SPEN: variants seen among roughly 807,000 people sequenced by gnomAD.
The protein encoded by SPEN is msx2-interacting protein.
SPEN carries 18 observed loss-of-function variants against 269.9 expected under a neutral mutation model. The observed-to-expected ratio is 0.07, with a 90% confidence interval of 0.05 to 0.10. The LOEUF is 0.10. Ranked by LOEUF, SPEN falls within the 10% of genes least tolerant of loss-of-function variation. SPEN has a pLI of 1.00. For missense variants in SPEN, 3,822 were observed against 4,631.2 expected, an observed-to-expected ratio of 0.83 and a Z score of 5.07; for synonymous variants, 1,726 against 1,765.7, an observed-to-expected ratio of 0.98 and a Z score of 0.56.
rs760132585 is a variant in SPEN, at chr1:15,929,048, A to G, written c.2808A>G (p.Arg936=). The change falls in exon 11 of 15, where the codon AGA becomes AGG. Residue 936 remains arginine, a synonymous_variant. Coordinates refer to ENST00000375759, the MANE Select transcript of SPEN (RefSeq NM_015001.3). The surrounding 1 kb of genome is among the most constrained non-coding windows in gnomAD (Gnocchi z 5.8). ...KSDLSKLESV[R]MKVPKEKGLS... ...ACTTGTCTAAACTGGAATCAGTTAG[A>G]ATGAAAGTACCAAAGGAAAAGGGGC... 1.5e-5 allele frequency: 24 copies of G among 1,614,238 alleles called. No homozygotes were observed. The highest frequency in any genetic ancestry group is 1.9e-5 in the Non-Finnish European group (23 of 1,180,040).
rs144396596 is a variant in SPEN at position 15,880,175 on chromosome 1, G to A, written c.881+3497G>A. Among the ~76,000 whole-genome samples the A allele has an allele frequency of 5.3e-3, 799 of 152,166 alleles. 6 individuals carry two copies. Among genetic ancestry groups the A allele is most frequent in the Non-Finnish European group, 7.7e-3 (526 of 68,004 alleles). On this transcript the variant is annotated intron_variant, in intron 3 of 14. Transcript: ENST00000375759. The stretch of plus-strand genomic sequence containing the variant: ...GAAGGCACCTTCTTACCGTGGGCTT[G>A]GGGAAGAATCACTGAGAGATTCTTG...
chr1:15,888,544 G>A (rs1350471369), intron 3 of SPEN, among the ~76,000 whole-genome samples: 1 of 151,756 alleles, frequency 6.6e-6, no homozygotes, highest in African/African-American at 2.4e-5. Flanking sequence ...GGCTGGTCTC[G>A]AACTCCTGAC....
chr1:15,884,573 G>A (rs1271790521), intron 3 of SPEN, among the ~76,000 whole-genome samples: 1 of 152,050 alleles, frequency 6.6e-6, no homozygotes, highest in Non-Finnish European at 1.5e-5. Flanking sequence ...GTGCATTCAG[G>A]TGTCAATTGG....
chr1:15,869,578 C>CTTTATTTA (rs2070552261), intron 1 of SPEN, among the ~76,000 whole-genome samples: 1 of 105,754 alleles, frequency 9.5e-6, no homozygotes, highest in Non-Finnish European at 2.0e-5. Flanking sequence ...ATTGTCTCTA[C>CTTTATTTA]TGTATTTATT....
At chr1:15,881,207 C>T (rs571963299) in intron 3 of SPEN, among the ~76,000 whole-genome samples, 10 of 152,198 alleles carry the variant, frequency 6.6e-5, no homozygotes, top group East Asian at 3.9e-4. Context: ...TGGCTTCAAG[C>T]GATCTTCCCT....
intron 10 of SPEN, among the ~76,000 whole-genome samples, chr1:15,925,552 CA>C (rs1488789858): frequency 2.0e-5 from 3 of 150,338 alleles, no homozygotes; most frequent in Non-Finnish European, 3.0e-5. Context: ...TTCTGCCTTC[CA>C]AAACTTTTTT....
At chr1:15,862,516 C>G (rs1057119379) in intron 1 of SPEN, among the ~76,000 whole-genome samples, 2 of 152,134 alleles carry the variant, frequency 1.3e-5, no homozygotes, top group Non-Finnish European at 2.9e-5. Flanking sequence ...CTAAAATATT[C>G]AGGCTTTTTA....
intron 3 of SPEN, among the ~76,000 whole-genome samples, chr1:15,907,490 G>A (rs1477904357): frequency 2.0e-5 from 3 of 152,024 alleles, no homozygotes; most frequent in African/African-American, 7.3e-5. Context: ...GAAAAAAAAA[G>A]GTCTGTAGCA....
At chr1:15,910,809 A>G (rs1259644821) in intron 4 of SPEN, among the ~76,000 whole-genome samples, 2 of 152,180 alleles carry the variant, frequency 1.3e-5, no homozygotes, top group Admixed American at 6.5e-5. Context: ...GAATTGTACA[A>G]TAATCTCGAA....
Position 15,848,124 on chromosome 1 carries a change from A to G in SPEN, c.57A>G (p.Glu19=). The G allele has an allele frequency of 1.3e-6, 2 of 1,498,870 alleles. No individual in the cohort carries two copies. The highest frequency in any genetic ancestry group is 1.2e-5 in the South Asian group (1 of 80,226). 92.8% of individuals were successfully genotyped at this position (1,498,870 alleles called of 1,614,324 possible). A position where few individuals can be genotyped will look rare whatever the true frequency, so the allele number is the denominator to read the frequency against. The part of the protein sequence containing the change: ...WVGNLPENVR[E]EKIIEHFKRY... Reference sequence around the variant, plus strand: ...GCAACTTACCCGAGAACGTGCGGGAAGAGAAGATCATCGAGCATTTCAAAC... The same window carrying G: ...GCAACTTACCCGAGAACGTGCGGGAGGAGAAGATCATCGAGCATTTCAAAC... The change falls in exon 1 of 15, where the codon GAA becomes GAG. Residue 19 remains glutamate, a synonymous_variant. Coordinates refer to ENST00000375759, the MANE Select transcript of SPEN (RefSeq NM_015001.3). This position sits in a 1 kb window ranked among gnomAD's most constrained non-coding sequence, Gnocchi z 5.1.
chr1:15,859,943 G>A (rs1328423772), intron 1 of SPEN, among the ~76,000 whole-genome samples: 14 of 105,938 alleles, frequency 1.3e-4, no homozygotes, highest in Non-Finnish European at 2.1e-4. Flanking sequence ...ACGGAGTCTT[G>A]CTCTGTCACC....
intron 3 of SPEN, among the ~76,000 whole-genome samples, chr1:15,895,087 T>C (rs1289816684): frequency 1.3e-5 from 2 of 152,008 alleles, no homozygotes; most frequent in Non-Finnish European, 2.9e-5. Context: ...CACGCCTGGC[T>C]AATTTTGTAT....
chr1:15,896,549 A>G (rs2070844308), intron 3 of SPEN, among the ~76,000 whole-genome samples: 1 of 152,066 alleles, frequency 6.6e-6, no homozygotes, highest in Admixed American at 6.6e-5. Flanking sequence ...CCTAAATCTT[A>G]CCTATTGATT....
chr1:15,938,874 C>G lies in SPEN; in HGVS notation c.10861C>G (p.Gln3621Glu), dbSNP rs2071306829. 3.7e-6 allele frequency: 6 copies of G among 1,613,378 alleles called. No homozygotes were observed. Among genetic ancestry groups the G allele is most frequent in the Non-Finnish European group, 5.1e-6 (6 of 1,179,742 alleles). ...IINVPNPGSN[Q>E]PAYVLQIFPP... ...CAACGTTCCCAACCCTGGCTCCAAT[C>G]AGGTCGGTTGTCCTGTGTCCTTCCT... The change falls in exon 14 of 15, where the codon CAG (glutamine) becomes GAG (glutamate). Residue 3621 changes from glutamine to glutamate, a missense_variant and splice_region_variant. By Grantham distance (29) the Gln-to-Glu change is conservative. Coordinates refer to ENST00000375759, the MANE Select transcript of SPEN (RefSeq NM_015001.3).
intron 2 of SPEN, chr1:15,874,056 G>C: frequency 7.7e-7 from 1 of 1,291,130 alleles, no homozygotes; most frequent in Non-Finnish European, 1.0e-6. Flanking sequence ...CGTTGGAATT[G>C]TAGAGGATAT....
At chr1:15,871,903 C>T (rs1315329537) in intron 1 of SPEN, among the ~76,000 whole-genome samples, 1 of 151,958 alleles carries the variant, frequency 6.6e-6, no homozygotes, top group African/African-American at 2.4e-5. Context: ...GTTCAGTAGT[C>T]GTTTTTAGAC....
In SPEN at chr1:15,872,821, G is replaced by T; in HGVS notation, c.89G>T (p.Gly30Val). 1 of 1,485,338 alleles carries T rather than the reference G, an allele frequency of 6.7e-7. No homozygotes were observed. Among genetic ancestry groups the T allele is most frequent in the Non-Finnish European group, 9.0e-7 (1 of 1,111,958 alleles). 92.0% of individuals were successfully genotyped at this position (1,485,338 alleles called of 1,614,324 possible). Residue 30 changes from glycine (G) to valine (V), a missense_variant, in exon 2 of 15, where the codon GGC (glycine) becomes GTC (valine). Coordinates refer to ENST00000375759, the MANE Select transcript of SPEN (RefSeq NM_015001.3). ...GTTGACTTTATTTTTTCCAGATATG[G>T]CCGCGTGGAAAGTGTCAAAATTCTT... ...EKIIEHFKRYGRVESVKILPK... is the reference protein window; with the variant it reads ...EKIIEHFKRYVRVESVKILPK...
rs749329894 is a variant in SPEN at position 15,932,184 on chromosome 1, C to T, written c.5944C>T (p.Arg1982Trp). Residue 1982 changes from arginine to tryptophan, a missense_variant, in exon 11 of 15, where the codon CGG becomes TGG. This residue lies in a region of SPEN where 533 missense variants were observed against 618.8 expected (regional missense o/e 0.86). Transcript: ENST00000375759. This position sits in a 1 kb window ranked among gnomAD's most constrained non-coding sequence, Gnocchi z 4.2. ...AACACTCAAGCCACCTGAGGGATGG[C>T]GGTCGCCAAGGTCCCAGAAAACTGC... The part of the protein sequence containing the change: ...AETLKPPEGW[R>W]SPRSQKTAAG... 8 of 1,611,708 alleles carry T rather than the reference C, an allele frequency of 5.0e-6. No individual in the cohort carries two copies. Among genetic ancestry groups the T allele is most frequent in the South Asian group, 1.1e-5 (1 of 90,840 alleles).
intron 1 of SPEN, among the ~76,000 whole-genome samples, chr1:15,851,606 T>C (rs2070336581): frequency 6.6e-6 from 1 of 152,202 alleles, no homozygotes. Context: ...AAGTTGCGAA[T>C]TTAGTTCTTC....
Sources: allele counts gnomAD v4.1 joint callset (sites outside exome capture counted in the v4.1 genomes callset), GRCh38; gene constraint gnomAD v4.1.1; regional missense constraint gnomAD v4.1.1; non-coding constraint Gnocchi (gnomAD v3.1); transcripts MANE v1.5; gene names NCBI Gene and HGNC (gene_info 2026-07-23, HGNC 2026-07-21).